MAP2K5: variants seen among roughly 807,000 people sequenced by gnomAD.
MAP2K5 encodes the protein dual specificity mitogen-activated protein kinase kinase 5.
MAP2K5 carries 49 observed loss-of-function variants against 83.1 expected under a neutral mutation model. The observed-to-expected ratio is 0.59, with a 90% confidence interval of 0.47 to 0.75. The LOEUF is 0.75. Ranked by LOEUF, MAP2K5 falls within the 30% of genes least tolerant of loss-of-function variation. MAP2K5 has a pLI of 0.00. For synonymous variants in MAP2K5, 202 were observed against 191.8 expected (o/e 1.05, Z -0.44); for missense variants, 457 against 557.5 (o/e 0.82, Z 1.82).
chr15:67,742,040 G>T (rs573681244), intron 17 of MAP2K5, among the ~76,000 whole-genome samples: 7 of 152,170 alleles, frequency 4.6e-5, no homozygotes, highest in African/African-American at 1.4e-4. Context: ...GACTACAGGT[G>T]TCTGCCACCA....
At chr15:67,663,477 C>T (rs138810660) in intron 12 of MAP2K5, among the ~76,000 whole-genome samples, 6 of 152,176 alleles carry the variant, frequency 3.9e-5, no homozygotes, top group Admixed American at 2.0e-4. Context: ...AAGTTAAATC[C>T]GTTACTCAAG....
intron 13 of MAP2K5, among the ~76,000 whole-genome samples, chr15:67,684,921 AT>A (rs1011087629): frequency 9.2e-5 from 14 of 152,294 alleles, no homozygotes; most frequent in African/African-American, 2.2e-4. Context: ...TAGAAAAAAT[AT>A]TTTTTTAAAT....
chr15:67,688,315 A>G (rs937766690), intron 13 of MAP2K5, among the ~76,000 whole-genome samples: 1 of 152,200 alleles, frequency 6.6e-6, no homozygotes, highest in Non-Finnish European at 1.5e-5. Flanking sequence ...GGTTTTAGGC[A>G]AAGAAGTGAC....
At chr15:67,772,340 A>G (rs2090157961) in intron 20 of MAP2K5, among the ~76,000 whole-genome samples, 1 of 152,232 alleles carries the variant, frequency 6.6e-6, no homozygotes, top group African/African-American at 2.4e-5. Context: ...TTCTCTAAAT[A>G]TAAGTTTGAA....
At chr15:67,558,487 G>A (rs2084671151) in intron 2 of MAP2K5, among the ~76,000 whole-genome samples, 1 of 152,190 alleles carries the variant, frequency 6.6e-6, no homozygotes, top group South Asian at 2.1e-4. Context: ...ATGGCAGCCA[G>A]AGTGATTCTT....
intron 6 of MAP2K5, among the ~76,000 whole-genome samples, chr15:67,590,141 T>C (rs1222024326): frequency 1.3e-5 from 2 of 152,238 alleles, no homozygotes; most frequent in East Asian, 1.9e-4. Flanking sequence ...TCAAGAACCC[T>C]TGGATGAAGA....
At chr15:67,653,008 T>C (rs1478114185) in intron 11 of MAP2K5, among the ~76,000 whole-genome samples, 1 of 152,244 alleles carries the variant, frequency 6.6e-6, no homozygotes, top group Non-Finnish European at 1.5e-5. Context: ...TTAGTTTTTT[T>C]ATTACCAACT....
chr15:67,578,858 C>A (rs773218281), intron 3 of MAP2K5, among the ~76,000 whole-genome samples: 2 of 151,976 alleles, frequency 1.3e-5, no homozygotes, highest in Non-Finnish European at 2.9e-5. Context: ...CTGTTCTGAC[C>A]CTTTACATTT....
intron 16 of MAP2K5, among the ~76,000 whole-genome samples, chr15:67,703,827 G>T (rs1407687151): frequency 6.6e-6 from 1 of 152,148 alleles, no homozygotes; most frequent in African/African-American, 2.4e-5. Flanking sequence ...ACTTCCAACG[G>T]TGATTAGTTT....
rs1268722276 is a variant in MAP2K5, at chr15:67,555,853, G to A, written c.184+5771G>A. Among the ~76,000 whole-genome samples the A allele has an allele frequency of 2.0e-5, 3 of 150,384 alleles. No homozygotes were observed. The highest frequency in any genetic ancestry group is 4.4e-5 in the Non-Finnish European group (3 of 67,696). ...GGCTGGAGTGCAGTGGTGTGATCTC[G>A]GCTCACTGCAACCTCCACCTCAGGG... On this transcript the variant is annotated intron_variant, in intron 2 of 21. Coordinates refer to ENST00000178640, the MANE Select transcript of MAP2K5 (RefSeq NM_145160.3). The surrounding 1 kb of genome is among the most constrained non-coding windows in gnomAD (Gnocchi z 5.2).
chr15:67,626,822 C>T (rs2086335803), intron 8 of MAP2K5, among the ~76,000 whole-genome samples: 1 of 152,030 alleles, frequency 6.6e-6, no homozygotes, highest in African/African-American at 2.4e-5. Context: ...ATCGCTTGAG[C>T]CCGGGAGTTC....
chr15:67,789,534 T>C (rs1303363778), intron 21 of MAP2K5, among the ~76,000 whole-genome samples: 2 of 152,092 alleles, frequency 1.3e-5, no homozygotes, highest in African/African-American at 4.8e-5. Flanking sequence ...GCCAACATGG[T>C]GAAACACTGT....
chr15:67,554,628 A>T (rs1423796849), intron 2 of MAP2K5, among the ~76,000 whole-genome samples: 2 of 152,254 alleles, frequency 1.3e-5, no homozygotes, highest in East Asian at 3.9e-4. Flanking sequence ...ATCTCTCTGC[A>T]CCTTTACTAG....
chr15:67,707,270 G>A (rs1315337710), intron 16 of MAP2K5, among the ~76,000 whole-genome samples: 1 of 152,142 alleles, frequency 6.6e-6, no homozygotes, highest in Non-Finnish European at 1.5e-5. Context: ...GAAGGGATTA[G>A]GAAGTTAGTC....
At chr15:67,641,873 T>C (rs2086718919) in intron 9 of MAP2K5, among the ~76,000 whole-genome samples, 1 of 152,222 alleles carries the variant, frequency 6.6e-6, no homozygotes, top group African/African-American at 2.4e-5. Context: ...TTTAGCAGTT[T>C]TAAAGCTCAC....
intron 19 of MAP2K5, among the ~76,000 whole-genome samples, chr15:67,761,664 C>T (rs1329768411): frequency 1.3e-5 from 2 of 152,142 alleles, no homozygotes; most frequent in Non-Finnish European, 2.9e-5. Context: ...TTTCAGGACA[C>T]GGACCTGCCA....
rs1373138242 is a variant in MAP2K5 at position 67,778,696 on chromosome 15, G to A, written c.1242+5944G>A. Among the ~76,000 whole-genome samples, 1 of 152,180 alleles carries A rather than the reference G, an allele frequency of 6.6e-6. No individual in the cohort carries two copies. Among genetic ancestry groups the A allele is most frequent in the East Asian group, 1.9e-4 (1 of 5,198 alleles). ...AGAAGGGTAGGGGGATTTCTTACCT[G>A]TTACTGTTTACTAGAAGCACGGGGC... is the stretch of plus-strand genomic sequence containing the variant. On this transcript the variant is annotated intron_variant, in intron 21 of 21. Transcript: ENST00000178640. This position sits in a 1 kb window ranked among gnomAD's most constrained non-coding sequence, Gnocchi z 5.0.
In MAP2K5 at chr15:67,676,054, T is replaced by C. The variant is rs1368352438; in HGVS notation, c.847+11409T>C. Among the ~76,000 whole-genome samples the C allele has an allele frequency of 6.6e-6, 1 of 152,210 alleles. No homozygotes were observed. The highest frequency in any genetic ancestry group is 1.5e-5 in the Non-Finnish European group (1 of 68,038). ...GCAGACTGTGTGATCGTTGTGTGTT[T>C]TGGCTCACCAGTCTCTATAGTATCC... is the stretch of plus-strand genomic sequence containing the variant. On this transcript the variant is annotated intron_variant, in intron 13 of 21. Transcript: ENST00000178640. This position sits in a 1 kb window ranked among gnomAD's most constrained non-coding sequence, Gnocchi z 4.8.
chr15:67,565,176 A>G lies in MAP2K5; in HGVS notation c.252+1826A>G, dbSNP rs986281764. Among the ~76,000 whole-genome samples the G allele has an allele frequency of 2.0e-5, 3 of 152,074 alleles. No individual in the cohort carries two copies. Among genetic ancestry groups the G allele is most frequent in the Admixed American group, 2.0e-4 (3 of 15,256 alleles). On this transcript the variant is annotated intron_variant, in intron 3 of 21. Transcript: ENST00000178640. The surrounding 1 kb of genome is among the most constrained non-coding windows in gnomAD (Gnocchi z 4.1). ...AGCTGTTGCTCATTTACTGTTTTAC[A>G]CTGTCTCTCCCCCACCTTCCTCTTT...
Sources: gnomAD v4.1 joint callset for allele counts (sites outside exome capture counted in the v4.1 genomes callset) on GRCh38, gnomAD v4.1.1 for gene constraint, Gnocchi (gnomAD v3.1) non-coding constraint, MANE v1.5 for transcripts, NCBI Gene and HGNC (gene_info 2026-07-23, HGNC 2026-07-21) for gene names.